Variants in PPA2 observed in about 807,000 individuals in gnomAD.
PPA2 encodes inorganic pyrophosphatase 2, mitochondrial.
A neutral mutation model predicts 49.5 loss-of-function variants in PPA2; 48 were observed. The observed-to-expected ratio is 0.97, with a 90% CI of 0.77 to 1.23. The LOEUF is 1.23. Ranked by LOEUF, PPA2 falls within the 50% of genes most tolerant of loss-of-function variation. The probability of loss-of-function intolerance (pLI) is 0.00; values close to 1 mark genes in which losing one functional copy is unlikely to be tolerated. For missense variants in PPA2, 429 were observed against 410.1 expected (o/e 1.05, Z -0.40); for synonymous variants, 131 against 139.9 (o/e 0.94, Z 0.45).
chr4:105,450,601 CTT>C (rs575896250), intron 3 of PPA2, among the ~76,000 whole-genome samples: 940 of 82,538 alleles, frequency 0.011, 3 homozygotes, highest in Non-Finnish European at 0.018. Context: ...GTCTGGAATT[CTT>C]TTTTTTTTTT....
chr4:105,407,750 T>C (rs1358930130), intron 7 of PPA2, among the ~76,000 whole-genome samples: 4 of 152,172 alleles, frequency 2.6e-5, no homozygotes, highest in Non-Finnish European at 5.9e-5. Context: ...ATGTGAATAA[T>C]CACTGATGCC....
chr4:105,469,427 G>A (rs1303475247), intron 1 of PPA2, among the ~76,000 whole-genome samples: 1 of 152,180 alleles, frequency 6.6e-6, no homozygotes, highest in Non-Finnish European at 1.5e-5. Flanking sequence ...GAGCAAGTGA[G>A]AAAATTGAAT....
chr4:105,412,574 C>T (rs1349447743), intron 7 of PPA2, among the ~76,000 whole-genome samples: 9 of 152,022 alleles, frequency 5.9e-5, no homozygotes, highest in South Asian at 2.1e-4. Flanking sequence ...AGAAAATTTT[C>T]GCAATCTACC....
intron 1 of PPA2, among the ~76,000 whole-genome samples, chr4:105,460,877 A>ATATATATATATATAT (rs1553929836): frequency 2.0e-5 from 3 of 151,608 alleles, no homozygotes; most frequent in Admixed American, 6.5e-5. Context: ...ATAGTTTTCT[A>ATATATATATATATAT]ATTGTCATTT....
At position 105,402,010 on chromosome 4, in the gene PPA2, C is replaced by T. The variant is rs1722211978; in HGVS notation, c.656-2846G>A. ...AATTATGAGATGTAATTAAATATTACATACACCAGTGAATTTATGAGTACA... is the reference window on the plus strand; with the variant it reads ...AATTATGAGATGTAATTAAATATTATATACACCAGTGAATTTATGAGTACA... On this transcript the variant is annotated intron_variant, in intron 7 of 11. Transcript: ENST00000341695. 3.3e-5 allele frequency among the ~76,000 whole-genome samples: 5 copies of T among 152,284 alleles called. No homozygotes were observed. The South Asian group carries it at 1.0e-3, about 32-fold the overall frequency.
chr4:105,437,848 G>T, intron 6 of PPA2, 102 bp downstream of exon 6: 1 of 804,616 alleles, frequency 1.2e-6, no homozygotes, highest in Non-Finnish European at 1.9e-6. Context: ...AAATCAATAG[G>T]CTTGAACTCT....
At chr4:105,386,073 G>T (rs1342908118) in intron 10 of PPA2, among the ~76,000 whole-genome samples, 1 of 151,886 alleles carries the variant, frequency 6.6e-6, no homozygotes, top group East Asian at 1.9e-4. Context: ...TAGAGATGGG[G>T]TTTCCTTATG....
intron 7 of PPA2, among the ~76,000 whole-genome samples, chr4:105,416,436 A>T (rs754568496): frequency 5.3e-5 from 8 of 152,228 alleles, no homozygotes; most frequent in Admixed American, 1.3e-4. Context: ...AGAAAAATGA[A>T]AAAGGAGTTT....
rs1723648090 is a variant in PPA2 at position 105,473,903 on chromosome 4, G to T, written c.148C>A (p.Leu50Ile). 1 of 1,600,104 alleles carries T rather than the reference G, an allele frequency of 6.2e-7. No individual in the cohort carries two copies. The highest frequency in any genetic ancestry group is 2.2e-5 in the East Asian group (1 of 44,514). ...TCCGGGAGCTACTTACTAAAGAAGA[G>T]GCGGTAATTCTGCGAGCAGGGCTGG... Reference protein sequence around the residue: ...RGQPCSQNYRLFFKNVTGHYI... With the variant: ...RGQPCSQNYRIFFKNVTGHYI... Residue 50 changes from leucine to isoleucine, a missense_variant, in exon 1 of 12, where the codon CTC becomes ATC. Transcript: ENST00000341695.
chr4:105,394,487 CT>C (rs1191969049), intron 9 of PPA2, among the ~76,000 whole-genome samples: 1 of 151,120 alleles, frequency 6.6e-6, no homozygotes, highest in East Asian at 2.0e-4. Context: ...GACTCAATTT[CT>C]TCATGTGTAA....
At chr4:105,449,454 T>C (rs1436209631) in intron 3 of PPA2, 51 bp from the exon 4 acceptor site, 1 of 1,196,034 alleles carries the variant, frequency 8.4e-7, no homozygotes, top group Non-Finnish European at 1.2e-6. Context: ...TTACCTTTTA[T>C]TTTTTCCGTT....
chr4:105,433,374 G>C (rs1289906453), intron 6 of PPA2, among the ~76,000 whole-genome samples: 3 of 152,032 alleles, frequency 2.0e-5, no homozygotes, highest in African/African-American at 7.3e-5. Context: ...ATCTTCCTTA[G>C]TCTCCAAATT....
Position 105,446,407 on chromosome 4 carries a change from T to C in PPA2, c.417A>G (p.Ile139Met). Residue 139 changes from isoleucine to methionine, a missense_variant, in exon 5 of 12, where the codon ATA (isoleucine) becomes ATG (methionine). Ile to Met is a conservative substitution (Grantham distance 10). Coordinates refer to ENST00000341695, the MANE Select transcript of PPA2 (RefSeq NM_176869.3). Reference protein sequence around the residue: ...VANIFPYKGYIWNYGTLPQTW... With the variant: ...VANIFPYKGYMWNYGTLPQTW... ...CCTGAGGGAGGGTACCATAATTCCA[T>C]ATATAACCCTTGTAAGGGAAGATAT... is the stretch of plus-strand genomic sequence containing the variant. The C allele has an allele frequency of 6.3e-7, 1 of 1,599,254 alleles. No individual in the cohort carries two copies. The highest frequency in any genetic ancestry group is 8.5e-7 in the Non-Finnish European group (1 of 1,173,650).
chr4:105,471,800 C>T (rs1723534433), intron 1 of PPA2, among the ~76,000 whole-genome samples: 1 of 152,194 alleles, frequency 6.6e-6, no homozygotes, highest in Non-Finnish European at 1.5e-5. Flanking sequence ...GTTTAACCAA[C>T]ACACCTTCCA....
chr4:105,423,043 T>C lies in PPA2; in HGVS notation c.655+1153A>G, dbSNP rs1415560905. Among the ~76,000 whole-genome samples the C allele has an allele frequency of 1.6e-4, 25 of 152,158 alleles. 1 individual carries two copies. Among genetic ancestry groups the C allele is most frequent in the Non-Finnish European group, 2.9e-5 (2 of 68,018 alleles). The stretch of plus-strand genomic sequence containing the variant: ...AATGTTTTTAACTAAATAAAATTTA[T>C]TTACTGTTCTCATATATATGTATAT... On this transcript the variant is annotated intron_variant, in intron 7 of 11. Coordinates refer to ENST00000341695, the MANE Select transcript of PPA2 (RefSeq NM_176869.3).
chr4:105,405,820 G>A (rs1230386189), intron 7 of PPA2: 9 of 469,886 alleles, frequency 1.9e-5, no homozygotes, highest in Non-Finnish European at 2.5e-5. Flanking sequence ...ACAACATGTA[G>A]GGCTGCATCC....
At chr4:105,447,192 A>G (rs1332880096) in intron 4 of PPA2, among the ~76,000 whole-genome samples, 1 of 152,218 alleles carries the variant, frequency 6.6e-6, no homozygotes, top group Non-Finnish European at 1.5e-5. Context: ...TATACATAAT[A>G]AAATAGCACT....
intron 5 of PPA2, among the ~76,000 whole-genome samples, chr4:105,443,568 C>T (rs754991122): frequency 4.1e-4 from 60 of 147,400 alleles, no homozygotes; most frequent in East Asian, 1.0e-3. Flanking sequence ...AAATAACTAA[C>T]TTATATGCAA....
intron 7 of PPA2, among the ~76,000 whole-genome samples, chr4:105,402,441 G>A (rs1463709605): frequency 1.3e-5 from 2 of 152,194 alleles, no homozygotes; most frequent in Non-Finnish European, 2.9e-5. Flanking sequence ...AACTGTAGGA[G>A]CAACTCATTC....
Sources: allele counts gnomAD v4.1 joint callset (sites outside exome capture counted in the v4.1 genomes callset), GRCh38; gene constraint gnomAD v4.1.1; transcripts MANE v1.5; gene names NCBI Gene and HGNC (gene_info 2026-07-23, HGNC 2026-07-21).